The following B3GNT7 variants were observed in gnomAD, a reference collection of about 807,000 sequenced individuals.
B3GNT7 encodes BGnT-7.
Under a neutral mutation model 5.1 loss-of-function variants are expected in B3GNT7, and 9 were observed. The ratio of observed to expected loss-of-function variants is 1.77; its 90% CI spans 1.07 to 3.09. The LOEUF (loss-of-function observed/expected upper bound fraction) is 3.09. B3GNT7 is among the 30% of genes most tolerant of loss of function. B3GNT7 has a pLI of 0.00. For missense variants in B3GNT7, 468 were observed against 550.8 expected, an observed-to-expected ratio of 0.85 and a Z score of 1.50; for synonymous variants, 253 against 248.6, an observed-to-expected ratio of 1.02 and a Z score of -0.17.
At position 231,400,518 on chromosome 2, in the gene B3GNT7, T is replaced by C. The variant is rs2125614756; in HGVS notation, c.*1593T>C. ...TCCAGGCAACCTGAAAGCACTGAAA[T>C]AGCTTATGGCCCTGTGCCAGGGACC... On this transcript the variant is annotated 3_prime_UTR_variant, in exon 2 of 2. Coordinates refer to ENST00000287590, the MANE Select transcript of B3GNT7 (RefSeq NM_145236.3). 1 of 152,360 alleles carries C rather than the reference T, an allele frequency of 6.6e-6. No individual in the cohort carries two copies. Among genetic ancestry groups the C allele is most frequent in the African/African-American group, 2.4e-5 (1 of 41,552 alleles). The allele number at this position is 152,360 out of a possible 1,614,324, so 9.4% of individuals were successfully genotyped here. A position where few individuals can be genotyped will look rare whatever the true frequency, so the allele number is the denominator to read the frequency against.
chr2:231,396,076 C>CAA (rs2046511162), intron 1 of B3GNT7, among the ~76,000 whole-genome samples: 1 of 152,082 alleles, frequency 6.6e-6, no homozygotes, highest in Non-Finnish European at 1.5e-5. Flanking sequence ...GGCCCCGCGG[C>CAA]CCTGGACACC....
chr2:231,398,097 C>T lies in B3GNT7; in HGVS notation c.378C>T (p.His126=). 19 of 1,612,214 alleles carry T rather than the reference C, an allele frequency of 1.2e-5. No homozygotes were observed. The highest frequency in any genetic ancestry group is 1.6e-5 in the Non-Finnish European group (19 of 1,179,704). Residue 126 remains histidine, a synonymous_variant, in exon 2 of 2, where the codon CAC becomes CAT. Coordinates refer to ENST00000287590, the MANE Select transcript of B3GNT7 (RefSeq NM_145236.3). ...GCTACTTCCCCATGCTGCTGAACCACCCGGAGAAGTGCAGGGGCGATGTCT... is the reference window on the plus strand; with the variant it reads ...GCTACTTCCCCATGCTGCTGAACCATCCGGAGAAGTGCAGGGGCGATGTCT... ...HCRYFPMLLN[H]PEKCRGDVYL...
chr2:231,398,426 T>C lies in B3GNT7; in HGVS notation c.707T>C (p.Ile236Thr). The C allele has an allele frequency of 6.2e-7, 1 of 1,613,760 alleles. No homozygotes were observed. Among genetic ancestry groups the C allele is most frequent in the Non-Finnish European group, 8.5e-7 (1 of 1,179,866 alleles). The change falls in exon 2 of 2, where the codon ATT (isoleucine) becomes ACT (threonine). Residue 236 changes from isoleucine (I) to threonine (T), a missense_variant. Physicochemically the swap from Ile to Thr is moderately conservative, Grantham distance 89 (BLOSUM62 -1). Transcript: ENST00000287590. ...ATCTACTGCCCCCACGTCCCCTTCA[T>C]TTTCAAAGGCGACGATGACGTCTTC... ...LDIYCPHVPF[I>T]FKGDDDVFVN...
chr2:231,395,824 G>T lies in B3GNT7; in HGVS notation c.11+10G>T. 1 of 1,167,836 alleles carries T rather than the reference G, an allele frequency of 8.6e-7. No homozygotes were observed. The highest frequency in any genetic ancestry group is 1.1e-6 in the Non-Finnish European group (1 of 946,898). The allele number at this position is 1,167,836 out of a possible 1,614,324, so 72.3% of individuals were successfully genotyped here. A position where few individuals can be genotyped will look rare whatever the true frequency, so the allele number is the denominator to read the frequency against. ...CCGCCATGTCGCTGTGGTGAGTGGGGCTGGGGGCCGTCGGGGGCCTGGGCG... is the reference window on the plus strand; with the variant it reads ...CCGCCATGTCGCTGTGGTGAGTGGGTCTGGGGGCCGTCGGGGGCCTGGGCG... On this transcript the variant is annotated intron_variant, in intron 1 of 1. Transcript: ENST00000287590. The surrounding 1 kb of genome is among the most constrained non-coding windows in gnomAD (Gnocchi z 7.3).
intron 1 of B3GNT7, chr2:231,397,332 C>A: frequency 3.4e-6 from 3 of 875,960 alleles, no homozygotes; most frequent in Non-Finnish European, 4.1e-6. Context: ...GGGAACAGGG[C>A]AGAGGTTTCC....
Position 231,395,809 on chromosome 2 carries a change from G to A in B3GNT7, c.6G>A (p.Ser2=), listed in dbSNP as rs1046937687. The change falls in exon 1 of 2, where the codon TCG becomes TCA. Residue 2 remains serine (S), a synonymous_variant. Transcript: ENST00000287590. The surrounding 1 kb of genome is among the most constrained non-coding windows in gnomAD (Gnocchi z 7.3). ...CCGCTCCGGCCCGGGCCGCCATGTC[G>A]CTGTGGTGAGTGGGGCTGGGGGCCG... M[S]LWKKTVYRSL... The A allele has an allele frequency of 3.4e-6, 4 of 1,168,612 alleles. No homozygotes were observed. The highest frequency in any genetic ancestry group is 1.1e-6 in the Non-Finnish European group (1 of 947,886). 72.4% of individuals were successfully genotyped at this position (1,168,612 alleles called of 1,614,324 possible). A position where few individuals can be genotyped will look rare whatever the true frequency, so the allele number is the denominator to read the frequency against.
chr2:231,398,457 C>T lies in B3GNT7; in HGVS notation c.738C>T (p.Asn246=), dbSNP rs1240186054. The T allele has an allele frequency of 6.2e-7, 1 of 1,613,778 alleles. No individual in the cohort carries two copies. The highest frequency in any genetic ancestry group is 8.5e-7 in the Non-Finnish European group (1 of 1,179,894). ...AAGGCGACGATGACGTCTTCGTCAA[C>T]CCCACCAACCTGCTAGAATTTCTGG... ...IFKGDDDVFV[N]PTNLLEFLAD... is the part of the protein sequence containing the mutation. Residue 246 remains asparagine (N), a synonymous_variant, in exon 2 of 2, where the codon AAC becomes AAT. Coordinates refer to ENST00000287590, the MANE Select transcript of B3GNT7 (RefSeq NM_145236.3).
rs2046551631 is a variant in B3GNT7, at chr2:231,400,149, A to G, written c.*1224A>G. The G allele has an allele frequency of 8.0e-6, 1 of 125,358 alleles. No homozygotes were observed. The highest frequency in any genetic ancestry group is 3.1e-5 in the African/African-American group (1 of 32,178). The allele number at this position is 125,358 out of a possible 1,614,324, so 7.8% of individuals were successfully genotyped here. ...TGTGAAACTTCCTGTTCCCAGCTGC[A>G]TCAGAGAGCCTGTCTGGGGCCAAGG... On this transcript the variant is annotated 3_prime_UTR_variant, in exon 2 of 2. Transcript: ENST00000287590.
Position 231,398,509 on chromosome 2 carries a change from T to C in B3GNT7, c.790T>C (p.Phe264Leu), listed in dbSNP as rs768703384. 2 of 1,613,532 alleles carry C rather than the reference T, an allele frequency of 1.2e-6. No homozygotes were observed. The highest frequency in any genetic ancestry group is 2.7e-5 in the African/African-American group (2 of 74,940). ...TGACCGGCAGCCACAGGAAAACCTG[T>C]TCGTGGGCGATGTCCTGCAGCACGC... ...LADRQPQENL[F>L]VGDVLQHARP... The change falls in exon 2 of 2, where the codon TTC (phenylalanine) becomes CTC (leucine). Residue 264 changes from phenylalanine to leucine, a missense_variant. Phe to Leu is a conservative substitution (Grantham distance 22, BLOSUM62 0). Transcript: ENST00000287590.
rs2125613370 is a variant in B3GNT7, at chr2:231,397,925, C to T, written c.206C>T (p.Ala69Val). ...NNFWKNPKDV[A>V]APTPMASQGP... ...TTCTGGAAGAACCCGAAAGATGTGGCTGCGCCCACGCCCATGGCCTCTCAG... is the reference window on the plus strand; with the variant it reads ...TTCTGGAAGAACCCGAAAGATGTGGTTGCGCCCACGCCCATGGCCTCTCAG... The change falls in exon 2 of 2, where the codon GCT (alanine) becomes GTT (valine). Residue 69 changes from alanine (A) to valine (V), a missense_variant. By Grantham distance (64) the Ala-to-Val change is moderately conservative. Transcript: ENST00000287590. The T allele has an allele frequency of 6.2e-7, 1 of 1,613,490 alleles. No individual in the cohort carries two copies. Among genetic ancestry groups the T allele is most frequent in the Non-Finnish European group, 8.5e-7 (1 of 1,179,888 alleles).
rs766191489 is a variant in B3GNT7 at position 231,398,832 on chromosome 2, C to G, written c.1113C>G (p.Leu371=). 19 of 1,602,638 alleles carry G rather than the reference C, an allele frequency of 1.2e-5. No homozygotes were observed. The South Asian group carries it at 1.4e-4, about 12-fold the overall frequency. Residue 371 remains leucine, a synonymous_variant, in exon 2 of 2, where the codon CTC becomes CTG. Transcript: ENST00000287590. ...AGCCGTGCTTTTTCCGCGCCATGCTCGTGGTGCACAAGCTGCTGCCCCCTG... is the reference window on the plus strand; with the variant it reads ...AGCCGTGCTTTTTCCGCGCCATGCTGGTGGTGCACAAGCTGCTGCCCCCTG... The part of the protein sequence containing the change: ...NKEPCFFRAM[L]VVHKLLPPEL...
chr2:231,398,006 CCCACCAGCCCTGGTT>C lies in B3GNT7; in HGVS notation c.291_305del (p.His97_Phe101del). The C allele has an allele frequency of 2.5e-6, 4 of 1,610,642 alleles. No homozygotes were observed. Among genetic ancestry groups the C allele is most frequent in the Non-Finnish European group, 3.4e-6 (4 of 1,179,884 alleles). ...AACTGCTCAGCCAATATCAACTTGA[CCCACCAGCCCTGGTT>C]CCAGGTCCTGGAGCCGCAGTTCCGG... On this transcript the variant is annotated inframe_deletion, in exon 2 of 2. Coordinates refer to ENST00000287590, the MANE Select transcript of B3GNT7 (RefSeq NM_145236.3).
rs2046509555 is a variant in B3GNT7 at position 231,395,927 on chromosome 2, C to G, written c.11+113C>G. The stretch of plus-strand genomic sequence containing the variant: ...ACTCCCGGGATAGGAGATGCCCCCG[C>G]GCGCGCCGCGCCGGCCTCAGTTTCC... On this transcript the variant is annotated intron_variant, in intron 1 of 1. Transcript: ENST00000287590. The surrounding 1 kb of genome is among the most constrained non-coding windows in gnomAD (Gnocchi z 7.3). 2 of 707,158 alleles carry G rather than the reference C, an allele frequency of 2.8e-6. No homozygotes were observed. Among genetic ancestry groups the G allele is most frequent in the Non-Finnish European group, 3.7e-6 (2 of 542,124 alleles). The allele number at this position is 707,158 out of a possible 1,614,324, so 43.8% of individuals were successfully genotyped here. A position where few individuals can be genotyped will look rare whatever the true frequency, so the allele number is the denominator to read the frequency against.
At chr2:231,397,322 G>A in intron 1 of B3GNT7, 2 of 947,478 alleles carry the variant, frequency 2.1e-6, no homozygotes, top group Non-Finnish European at 2.5e-6. Flanking sequence ...TCCAGGCGTG[G>A]GGAACAGGGC....
At position 231,398,971 on chromosome 2, in the gene B3GNT7, C is replaced by T. The variant is rs1294881589; in HGVS notation, c.*46C>T. 1 of 1,489,156 alleles carries T rather than the reference C, an allele frequency of 6.7e-7. No individual in the cohort carries two copies. The highest frequency in any genetic ancestry group is 9.0e-7 in the Non-Finnish European group (1 of 1,112,906). The allele number at this position is 1,489,156 out of a possible 1,614,324, so 92.2% of individuals were successfully genotyped here. ...CAGGCCAGGGCACTTGCTCCTGAGCCCCCATGGTATTGGGGCTGGAGCCAC... is the reference window on the plus strand; with the variant it reads ...CAGGCCAGGGCACTTGCTCCTGAGCTCCCATGGTATTGGGGCTGGAGCCAC... On this transcript the variant is annotated 3_prime_UTR_variant, in exon 2 of 2. Coordinates refer to ENST00000287590, the MANE Select transcript of B3GNT7 (RefSeq NM_145236.3).
chr2:231,397,312 T>C, intron 1 of B3GNT7: 5 of 973,656 alleles, frequency 5.1e-6, no homozygotes, highest in Non-Finnish European at 6.1e-6. Context: ...GCATTGGGGT[T>C]CCAGGCGTGG....
intron 1 of B3GNT7, chr2:231,397,060 C>T: frequency 3.0e-6 from 1 of 330,096 alleles, no homozygotes; most frequent in Non-Finnish European, 4.3e-6. Flanking sequence ...TCACTGCATC[C>T]TTGGGCCTCC....
intron 1 of B3GNT7, among the ~76,000 whole-genome samples, chr2:231,396,466 G>A (rs2046515194): frequency 6.6e-6 from 1 of 152,176 alleles, no homozygotes; most frequent in South Asian, 2.1e-4. Flanking sequence ...TGCACCTAAG[G>A]TGCCCCTGTC....
At chr2:231,397,646 A>C in intron 1 of B3GNT7, 85 bp from the exon 2 acceptor site, 1 of 1,328,982 alleles carries the variant, frequency 7.5e-7, no homozygotes, top group Non-Finnish European at 1.0e-6. Context: ...CCCGTCTGGG[A>C]CCACCCAGCC....
Sources: allele counts gnomAD v4.1 joint callset (sites outside exome capture counted in the v4.1 genomes callset), GRCh38; gene constraint gnomAD v4.1.1; non-coding constraint Gnocchi (gnomAD v3.1); transcripts MANE v1.5; gene names NCBI Gene and HGNC (gene_info 2026-07-23, HGNC 2026-07-21).